The following RTP2 variants were observed in gnomAD, a reference collection of about 807,000 sequenced individuals.
The protein encoded by RTP2 is receptor-transporting protein 2.
RTP2 carries 12 observed loss-of-function variants against 17.9 expected under a neutral mutation model. The observed-to-expected ratio is 0.67, with a 90% CI of 0.43 to 1.09. The LOEUF (loss-of-function observed/expected upper bound fraction) is 1.09. RTP2 is among the 50% of genes least tolerant of loss of function. The pLI, the probability that RTP2 is intolerant of heterozygous loss-of-function variation, is 0.00. For synonymous variants in RTP2, 126 were observed against 117.7 expected, an observed-to-expected ratio of 1.07 and a Z score of -0.46; for missense variants, 327 against 295.7, an observed-to-expected ratio of 1.11 and a Z score of -0.78.
At chr3:187,702,501 C>G in exon 1 of RTP2, 1 of 467,138 alleles carries the variant, frequency 2.1e-6, no homozygotes, top group East Asian at 6.6e-5. Context: ...CCTGCTTCAC[C>G]CAACTGCTCT....
upstream of RTP2, among the ~76,000 whole-genome samples, chr3:187,706,747 C>T (rs375095669): frequency 3.2e-4 from 48 of 152,240 alleles, 3 homozygotes; most frequent in South Asian, 2.1e-4. Context: ...GGATCACAGA[C>T]GTGCACCAGC....
the RTP2 span, among the ~76,000 whole-genome samples, chr3:187,712,359 T>C: frequency 0.086 from 13,090 of 152,258 alleles, 754 homozygotes; most frequent in South Asian, 0.16. Context: ...ATGCTCCTAG[T>C]ATATGGTGAA....
chr3:187,705,862 A>C (rs55654919), upstream of RTP2, among the ~76,000 whole-genome samples: 19,935 of 152,214 alleles, frequency 0.13, 1,415 homozygotes, highest in African/African-American at 0.17. Flanking sequence ...TTAAGGCTGG[A>C]TACTGACTTT....
upstream of RTP2, among the ~76,000 whole-genome samples, chr3:187,704,106 A>G (rs1204909660): frequency 1.3e-5 from 2 of 152,192 alleles, no homozygotes; most frequent in Non-Finnish European, 1.5e-5. Context: ...TGGCAGCTTC[A>G]TTATACATAT....
chr3:187,702,208 C>G, exon 1 of RTP2: 1 of 1,391,904 alleles, frequency 7.2e-7, no homozygotes, highest in Non-Finnish European at 9.9e-7. Flanking sequence ...CGGGACAATT[C>G]AGTGTCTACG....
At chr3:187,698,322 A>C in exon 2 of RTP2, 2 of 604,628 alleles carry the variant, frequency 3.3e-6, no homozygotes, top group Non-Finnish European at 5.7e-6. Flanking sequence ...CATCCAGTGA[A>C]AGAATCATTG....
chr3:187,703,889 G>A (rs1194699086), upstream of RTP2, among the ~76,000 whole-genome samples: 2 of 152,026 alleles, frequency 1.3e-5, no homozygotes, highest in African/African-American at 4.8e-5. Flanking sequence ...CTTAGGCCTA[G>A]TATCAGGTTT....
rs1037795923 is a variant in RTP2, at chr3:187,702,294, A to C, written c.-166T>G. 50 of 679,826 alleles carry C rather than the reference A, an allele frequency of 7.4e-5. No homozygotes were observed. Among genetic ancestry groups the C allele is most frequent in the Middle Eastern group, 3.9e-4 (1 of 2,542 alleles). 42.1% of individuals were successfully genotyped at this position (679,826 alleles called of 1,614,324 possible). A position where few individuals can be genotyped will look rare whatever the true frequency, so the allele number is the denominator to read the frequency against. ...CTCTGTTACCCTGGAACCTGTTACC[A>C]TGGTAGCCAGGCAGGGCACCAAGAG... On this transcript the variant is annotated 5_prime_UTR_variant, in exon 1 of 2. The change abolishes an upstream ATG in the 5' untranslated region. Coordinates refer to ENST00000358241, the Ensembl canonical transcript of RTP2.
chr3:187,699,571 A>G (rs1717788691), intron 1 of RTP2, among the ~76,000 whole-genome samples: 1 of 151,996 alleles, frequency 6.6e-6, no homozygotes, highest in Admixed American at 6.5e-5. Flanking sequence ...ACAGACCGGT[A>G]GATGGGTAGG....
rs151137390 is a variant in RTP2 at position 187,698,496 on chromosome 3, C to T, written c.*2G>A. ...GCCCTCTCCCACCCTTAACCAGCTC[C>T]ACTAAAAGAAGGCAGGACTGAGGAA... On this transcript the variant is annotated 3_prime_UTR_variant, in exon 2 of 2. Coordinates refer to ENST00000358241, the Ensembl canonical transcript of RTP2. 5.0e-6 allele frequency: 8 copies of T among 1,600,652 alleles called. No homozygotes were observed. The East Asian group carries it at 1.8e-4, about 36-fold the overall frequency.
At chr3:187,698,482 C>G in exon 2 of RTP2, 1 of 1,589,432 alleles carries the variant, frequency 6.3e-7, no homozygotes, top group Non-Finnish European at 8.6e-7. Flanking sequence ...CCCTCTCCCA[C>G]CCTTAACCAG....
chr3:187,698,607 G>T (rs569180222), exon 2 of RTP2: 2 of 1,614,080 alleles, frequency 1.2e-6, no homozygotes, highest in South Asian at 1.1e-5. Context: ...GCCGGATCCC[G>T]CCTGGGCCCT....
chr3:187,713,276 A>T, the RTP2 span, among the ~76,000 whole-genome samples: 1 of 152,226 alleles, frequency 6.6e-6, no homozygotes, highest in Admixed American at 6.5e-5. Flanking sequence ...TTTGACCCTA[A>T]GAGAATACCA....
At chr3:187,702,106 C>T (rs768673765) in exon 1 of RTP2, 9 of 1,611,354 alleles carry the variant, frequency 5.6e-6, no homozygotes, top group Non-Finnish European at 7.6e-6. Context: ...CTTCCACTCA[C>T]AAGTGGTCAA....
chr3:187,699,341 C>G (rs529489096), intron 1 of RTP2, among the ~76,000 whole-genome samples: 4 of 152,130 alleles, frequency 2.6e-5, no homozygotes, highest in East Asian at 1.9e-4. Context: ...GTCATCCCCC[C>G]CTCTCTGGGC....
chr3:187,698,973 G>A (rs1328159873), exon 2 of RTP2: 3 of 1,598,894 alleles, frequency 1.9e-6, no homozygotes, highest in African/African-American at 1.3e-5. Context: ...GACCACATGG[G>A]CAGACTGCCA....
chr3:187,698,817 T>C (rs775760702), exon 2 of RTP2: 2 of 1,613,116 alleles, frequency 1.2e-6, no homozygotes, highest in African/African-American at 1.3e-5. Context: ...GGTGATGAGG[T>C]TGTCCACCAG....
the RTP2 span, among the ~76,000 whole-genome samples, chr3:187,712,067 G>A: frequency 7.0e-4 from 106 of 152,238 alleles, no homozygotes; most frequent in African/African-American, 2.5e-3. Context: ...TGGTTGTGGT[G>A]GTGGCCATGT....
chr3:187,698,694 C>G, exon 2 of RTP2: 2 of 1,614,050 alleles, frequency 1.2e-6, no homozygotes, highest in Middle Eastern at 1.7e-4. Flanking sequence ...GTGAACGATG[C>G]CCTCCTGGCA....
Sources: allele counts gnomAD v4.1 joint callset (sites outside exome capture counted in the v4.1 genomes callset), GRCh38; gene constraint gnomAD v4.1.1; transcripts MANE v1.5; gene names NCBI Gene and HGNC (gene_info 2026-07-23, HGNC 2026-07-21).